The following ETV7 variants were observed in gnomAD, a reference collection of about 807,000 sequenced individuals.
The protein encoded by ETV7 is ETS variant transcription factor 7.
A neutral mutation model predicts 39.1 loss-of-function variants in ETV7; 43 were observed. That is an observed-to-expected ratio of 1.10 (90% CI 0.86 to 1.42). The LOEUF (loss-of-function observed/expected upper bound fraction) is 1.42, where lower values mean the gene tolerates loss of function less well. Among genes scored for constraint, ETV7 ranks in the 40% most tolerant of loss-of-function variants. ETV7 has a pLI of 0.00. For synonymous variants in ETV7, 196 were observed against 176.6 expected (o/e 1.11, Z -0.87); for missense variants, 432 against 442.3 (o/e 0.98, Z 0.21).
intron 7 of ETV7, among the ~76,000 whole-genome samples, chr6:36,360,619 A>G (rs562355194): frequency 1.3e-5 from 2 of 152,250 alleles, no homozygotes; most frequent in Non-Finnish European, 2.9e-5. Flanking sequence ...CTGTCCATAG[A>G]ACATTCAGTC....
At chr6:36,385,464 A>AG (rs1391484068) in intron 2 of ETV7, 70 bp downstream of exon 2, 6 of 1,595,176 alleles carry the variant, frequency 3.8e-6, no homozygotes, top group Non-Finnish European at 5.1e-6. Flanking sequence ...CAACAGAGCA[A>AG]GACCCTGGAT....
At chr6:36,361,178 T>TA (rs1477707138) in intron 7 of ETV7, among the ~76,000 whole-genome samples, 1 of 152,238 alleles carries the variant, frequency 6.6e-6, no homozygotes, top group Non-Finnish European at 1.5e-5. Flanking sequence ...CAACCTGCTT[T>TA]AAACTCCTCA....
At chr6:36,365,025 T>TC (rs1772666885), downstream of ETV7, among the ~76,000 whole-genome samples, 1 of 152,134 alleles carries the variant, frequency 6.6e-6, no homozygotes, top group Admixed American at 6.5e-5. Flanking sequence ...CAAGAGTCCT[T>TC]ATCAAGGACT....
intron 7 of ETV7, among the ~76,000 whole-genome samples, chr6:36,355,611 C>T (rs1373189061): frequency 6.6e-6 from 1 of 152,236 alleles, no homozygotes; most frequent in Non-Finnish European, 1.5e-5. Context: ...CAGGGTTTCA[C>T]CATGTTGGCC....
chr6:36,383,485 T>C (rs1266868432), intron 2 of ETV7, among the ~76,000 whole-genome samples: 1 of 152,184 alleles, frequency 6.6e-6, no homozygotes, highest in Non-Finnish European at 1.5e-5. Flanking sequence ...AGATCTGTTT[T>C]GTTTATTCAC....
rs1341905660 is a variant in ETV7 at position 36,366,742 on chromosome 6, T to C, written c.929A>G (p.Lys310Arg). The C allele has an allele frequency of 6.2e-7, 1 of 1,613,986 alleles. No individual in the cohort carries two copies. Among genetic ancestry groups the C allele is most frequent in the South Asian group, 1.1e-5 (1 of 91,084 alleles). The stretch of plus-strand genomic sequence containing the variant: ...GTGGCTGTGCTTGTCCTGGACCATC[T>C]TTCCCGGAGTCTTTAGAAATCTAGA... ...LLFRFLKTPG[K>R]MVQDKHSHLE... The change falls in exon 8 of 8, where the codon AAG becomes AGG. Residue 310 changes from lysine to arginine, a missense_variant. Transcript: ENST00000340181.
At chr6:36,370,208 G>T (rs533934057) in intron 5 of ETV7, among the ~76,000 whole-genome samples, 55 of 152,266 alleles carry the variant, frequency 3.6e-4, no homozygotes, top group African/African-American at 1.3e-3. Flanking sequence ...GGGCACTGGG[G>T]ACCACTACAG....
At chr6:36,354,394 G>A (rs895451125) in exon 8 of ETV7, 4 of 318,642 alleles carry the variant, frequency 1.3e-5, no homozygotes, top group South Asian at 8.3e-5. Context: ...TAGCTCTTAC[G>A]TTTATGTCTT....
downstream of ETV7, among the ~76,000 whole-genome samples, chr6:36,364,008 T>C (rs1202421065): frequency 3.9e-5 from 6 of 152,058 alleles, no homozygotes; most frequent in Non-Finnish European, 7.4e-5. Context: ...AGAGTGTGGA[T>C]TGGTGCATTC....
At chr6:36,383,828 A>C (rs1468102726) in intron 2 of ETV7, among the ~76,000 whole-genome samples, 1 of 152,220 alleles carries the variant, frequency 6.6e-6, no homozygotes, top group Non-Finnish European at 1.5e-5. Context: ...GAGTCATGGA[A>C]TCTAAGATGA....
chr6:36,366,093 G>T, downstream of ETV7: 1 of 705,136 alleles, frequency 1.4e-6, no homozygotes, highest in Non-Finnish European at 1.7e-6. Flanking sequence ...AGAATCTCTT[G>T]AACCCAGGAG....
Position 36,368,961 on chromosome 6 carries a change from T to G in ETV7, c.775A>C (p.Asn259His), listed in dbSNP as rs921158136. Residue 259 changes from asparagine (N) to histidine (H), a missense_variant, in exon 6 of 8, where the codon AAT becomes CAT. Coordinates refer to ENST00000340181, the MANE Select transcript of ETV7 (RefSeq NM_016135.4). ...TTTCCCCAGAGTCTGGCGAGCCCATTTGGATCCACAACTCGGAAGATCTTG... is the reference window on the plus strand; with the variant it reads ...TTTCCCCAGAGTCTGGCGAGCCCATGTGGATCCACAACTCGGAAGATCTTG... ...DAKIFRVVDP[N>H]GLARLWGNHK... 6.2e-7 allele frequency: 1 copy of G among 1,614,126 alleles called. No homozygotes were observed. Among genetic ancestry groups the G allele is most frequent in the Non-Finnish European group, 8.5e-7 (1 of 1,180,014 alleles).
At position 36,385,640 on chromosome 6, in the gene ETV7, G is replaced by A. The variant is rs1314830277; in HGVS notation, c.36C>T (p.Ser12=). The change falls in exon 2 of 8, where the codon AGC becomes AGT. Residue 12 remains serine, a synonymous_variant. Coordinates refer to ENST00000340181, the MANE Select transcript of ETV7 (RefSeq NM_016135.4). The stretch of plus-strand genomic sequence containing the variant: ...CTAGGGGAGGCATGGCTGCCACAGG[G>A]CTTATAGGAGAAATAGCCAATTCTC... ...QEGELAISPI[S]PVAAMPPLGT... is the part of the protein sequence containing the mutation. The A allele has an allele frequency of 1.2e-6, 2 of 1,613,466 alleles. No individual in the cohort carries two copies. Among genetic ancestry groups the A allele is most frequent in the Admixed American group, 3.3e-5 (2 of 59,868 alleles).
chr6:36,355,030 T>G (rs184576677), intron 7 of ETV7, among the ~76,000 whole-genome samples: 3 of 152,328 alleles, frequency 2.0e-5, no homozygotes, highest in Admixed American at 6.5e-5. Flanking sequence ...TTCTCATAGT[T>G]TTTTTATTCC....
downstream of ETV7, among the ~76,000 whole-genome samples, chr6:36,365,961 C>T (rs1010454976): frequency 2.0e-5 from 3 of 152,166 alleles, no homozygotes; most frequent in East Asian, 1.9e-4. Flanking sequence ...CACCTGAGGT[C>T]GCAAGTTCGA....
At chr6:36,372,137 C>T (rs1197883817) in intron 4 of ETV7, among the ~76,000 whole-genome samples, 1 of 152,202 alleles carries the variant, frequency 6.6e-6, no homozygotes, top group Non-Finnish European at 1.5e-5. Context: ...GCTCAGGCCT[C>T]CCTGACATTA....
Position 36,368,950 on chromosome 6 carries a change from G to A in ETV7, c.786C>T (p.Ala262=). ...TCACCTTGTGATTTCCCCAGAGTCT[G>A]GCGAGCCCATTTGGATCCACAACTC... The part of the protein sequence containing the change: ...IFRVVDPNGL[A]RLWGNHKNRV... Residue 262 remains alanine (A), a synonymous_variant, in exon 6 of 8, where the codon GCC becomes GCT. Transcript: ENST00000340181. The A allele has an allele frequency of 6.2e-7, 1 of 1,614,122 alleles. No individual in the cohort carries two copies. Among genetic ancestry groups the A allele is most frequent in the Non-Finnish European group, 8.5e-7 (1 of 1,180,028 alleles).
rs1334884573 is a variant in ETV7 at position 36,367,827 on chromosome 6, T to A, written c.808-852A>T. 2.6e-5 allele frequency among the ~76,000 whole-genome samples: 4 copies of A among 152,236 alleles called. No homozygotes were observed. The East Asian group carries it at 7.7e-4, about 29-fold the overall frequency. ...ACAAGTTTCTTGACCTCTCTGAGTC[T>A]GCTTCCCCAGCTACATAATGAAAAG... On this transcript the variant is annotated intron_variant, in intron 6 of 7. Coordinates refer to ENST00000340181, the MANE Select transcript of ETV7 (RefSeq NM_016135.4).
At chr6:36,378,307 T>C (rs60767745) in intron 2 of ETV7, among the ~76,000 whole-genome samples, 4,447 of 149,100 alleles carry the variant, frequency 0.03, 207 homozygotes, top group African/African-American at 0.1. Context: ...CCTCCCACCA[T>C]TCACATTCAC....
Sources: allele counts gnomAD v4.1 joint callset (sites outside exome capture counted in the v4.1 genomes callset), GRCh38; gene constraint gnomAD v4.1.1; transcripts MANE v1.5; gene names NCBI Gene and HGNC (gene_info 2026-07-23, HGNC 2026-07-21).